The following ACSL5 variants were observed in gnomAD, a reference collection of about 807,000 sequenced individuals.
The protein encoded by ACSL5 is long-chain-fatty-acid--CoA ligase 5.
ACSL5 carries 50 observed loss-of-function variants against 84.9 expected under a neutral mutation model. The ratio of observed to expected loss-of-function variants is 0.59; its 90% CI spans 0.47 to 0.75. The LOEUF (loss-of-function observed/expected upper bound fraction) is 0.75, where lower values mean the gene tolerates loss of function less well. ACSL5 is among the 30% of genes least tolerant of loss of function. The pLI, the probability that ACSL5 is intolerant of heterozygous loss-of-function variation, is 0.00. For synonymous variants in ACSL5, 280 were observed against 300.7 expected (o/e 0.93, Z 0.71); for missense variants, 775 against 830.4 (o/e 0.93, Z 0.82).
At chr10:112,390,383 G>A (rs1849533714) in intron 1 of ACSL5, among the ~76,000 whole-genome samples, 1 of 152,168 alleles carries the variant, frequency 6.6e-6, no homozygotes, top group African/African-American at 2.4e-5. Context: ...AGAGAAAGTA[G>A]CAGTGTTAGG....
intron 1 of ACSL5, among the ~76,000 whole-genome samples, chr10:112,378,512 G>A (rs1346499004): frequency 6.6e-6 from 1 of 152,058 alleles, no homozygotes; most frequent in Admixed American, 6.5e-5. Context: ...CTCCCAAAGT[G>A]CTGGGATTAC....
rs1212094840 is a variant in ACSL5, at chr10:112,427,487, C to T, written c.*129C>T. 2.2e-5 allele frequency: 19 copies of T among 857,666 alleles called. No homozygotes were observed. Among genetic ancestry groups the T allele is most frequent in the Non-Finnish European group, 3.1e-5 (18 of 589,976 alleles). The allele number at this position is 857,666 out of a possible 1,614,324, so 53.1% of individuals were successfully genotyped here. A position where few individuals can be genotyped will look rare whatever the true frequency, so the allele number is the denominator to read the frequency against. On this transcript the variant is annotated 3_prime_UTR_variant, in exon 21 of 21. Coordinates refer to ENST00000354655, the MANE Select transcript of ACSL5 (RefSeq NM_203379.2). Reference sequence around the variant, plus strand: ...AACCTGTTAAACTCTAAAGCCATAGCTTTTGTTTTATATTGAGACATATAA... The same window carrying T: ...AACCTGTTAAACTCTAAAGCCATAGTTTTTGTTTTATATTGAGACATATAA...
chr10:112,426,178 A>C (rs571300728), intron 18 of ACSL5, 80 bp from the exon 19 acceptor site: 14 of 1,104,884 alleles, frequency 1.3e-5, no homozygotes, highest in Middle Eastern at 2.0e-4. Context: ...CAATGACATA[A>C]TTCTGCTTTA....
intron 18 of ACSL5, among the ~76,000 whole-genome samples, chr10:112,426,017 A>C (rs1844680243): frequency 6.6e-6 from 1 of 152,154 alleles, no homozygotes; most frequent in South Asian, 2.1e-4. Flanking sequence ...GAGGCGCTTT[A>C]AGCTTAATGT....
chr10:112,408,733 A>G (rs1844109560), intron 6 of ACSL5: 4 of 507,854 alleles, frequency 7.9e-6, no homozygotes, highest in Non-Finnish European at 1.4e-5. Context: ...ACACAGAAAG[A>G]AGTTTCAATG....
At chr10:112,396,425 C>T (rs1320979541) in intron 2 of ACSL5, 1 of 152,116 alleles carries the variant, frequency 6.6e-6, no homozygotes, top group East Asian at 1.9e-4. Context: ...GAGTACAGTA[C>T]CAGACAACAT....
intron 12 of ACSL5, among the ~76,000 whole-genome samples, chr10:112,415,526 T>C (rs759800825): frequency 1.3e-5 from 2 of 152,186 alleles, no homozygotes; most frequent in Non-Finnish European, 2.9e-5. Flanking sequence ...CTTGTGAATG[T>C]TGAAGAAAGA....
chr10:112,408,356 C>T, intron 5 of ACSL5, 66 bp from the exon 6 acceptor site: 3 of 1,008,804 alleles, frequency 3.0e-6, no homozygotes, highest in Non-Finnish European at 4.6e-6. Flanking sequence ...CATTTGTTGG[C>T]TGAATGACTG....
At chr10:112,426,112 T>C in intron 18 of ACSL5, 146 bp from the exon 19 acceptor site, 3 of 603,970 alleles carry the variant, frequency 5.0e-6, no homozygotes, top group South Asian at 2.0e-5. Flanking sequence ...GTTGAAAATA[T>C]ATGGTGAGAA....
chr10:112,388,383 C>A (rs75710813), intron 1 of ACSL5, among the ~76,000 whole-genome samples: 1 of 152,148 alleles, frequency 6.6e-6, no homozygotes. Context: ...TCACCAGCCA[C>A]CATCCCTATC....
chr10:112,428,182 G>A lies in ACSL5; in HGVS notation c.*824G>A. ...TTTTCCAGTAAATGAAGCAAGCACT[G>A]AATAAAAACCTCCTGAACTGGGAAC... is the stretch of plus-strand genomic sequence containing the variant. On this transcript the variant is annotated 3_prime_UTR_variant, in exon 21 of 21. Coordinates refer to ENST00000354655, the MANE Select transcript of ACSL5 (RefSeq NM_203379.2). The A allele has an allele frequency of 2.8e-6, 1 of 351,576 alleles. No homozygotes were observed. The highest frequency in any genetic ancestry group is 5.1e-6 in the Non-Finnish European group (1 of 196,620). 21.8% of individuals were successfully genotyped at this position (351,576 alleles called of 1,614,324 possible). A position where few individuals can be genotyped will look rare whatever the true frequency, so the allele number is the denominator to read the frequency against.
chr10:112,418,114 C>A (rs1353875787), intron 14 of ACSL5, among the ~76,000 whole-genome samples, 173 bp downstream of exon 14: 1 of 152,146 alleles, frequency 6.6e-6, no homozygotes, highest in Non-Finnish European at 1.5e-5. Context: ...TGTGTAGAAA[C>A]CTTCACATAA....
chr10:112,422,237 A>G, intron 16 of ACSL5, 88 bp from the exon 17 acceptor site: 3 of 1,199,234 alleles, frequency 2.5e-6, no homozygotes, highest in Non-Finnish European at 3.6e-6. Context: ...CCATCAAATG[A>G]TTTAAGGGGA....
chr10:112,384,134 C>G (rs1008625626), intron 1 of ACSL5, among the ~76,000 whole-genome samples: 1 of 151,310 alleles, frequency 6.6e-6, no homozygotes, highest in Admixed American at 6.6e-5. Flanking sequence ...TGCAGTGAGC[C>G]GAGATCACAC....
At chr10:112,378,470 C>T (rs1429571715) in intron 1 of ACSL5, among the ~76,000 whole-genome samples, 2 of 152,056 alleles carry the variant, frequency 1.3e-5, no homozygotes, top group African/African-American at 2.4e-5. Context: ...TGGTCTCAAA[C>T]TCCTGACCTC....
chr10:112,425,218 C>A, intron 17 of ACSL5, 120 bp from the exon 18 acceptor site: 1 of 899,112 alleles, frequency 1.1e-6, no homozygotes, highest in Non-Finnish European at 1.6e-6. Context: ...TGAAAGACAG[C>A]TCAAAAGTCT....
At chr10:112,426,197 C>A (rs1844696777) in intron 18 of ACSL5, 61 bp from the exon 19 acceptor site, 4 of 1,326,888 alleles carry the variant, frequency 3.0e-6, no homozygotes, top group Non-Finnish European at 4.3e-6. Context: ...TATTTAACTA[C>A]TGGGGGACAT....
At chr10:112,400,406 CTTTTTTTTTTTTTTT>C (rs573644087) in intron 3 of ACSL5, among the ~76,000 whole-genome samples, 1 of 98,892 alleles carries the variant, frequency 1.0e-5, no homozygotes, top group African/African-American at 4.0e-5. Flanking sequence ...TTTTTCTTTT[CTTTTTTTTTTTTTTT>C]TTTTTTGAGA....
chr10:112,408,412 C>G lies in ACSL5; in HGVS notation c.433-10C>G, dbSNP rs201347320. 11 of 1,583,516 alleles carry G rather than the reference C, an allele frequency of 6.9e-6. No individual in the cohort carries two copies. In the African/African-American group the frequency reaches 8.1e-5, roughly 12 times the overall value. ...CCCTCCAGTCCTTACTTGAACTTCT[C>G]TCTGTACAGTGGATCATCTCCGAAT... On this transcript the variant is annotated splice_polypyrimidine_tract_variant and intron_variant, in intron 5 of 20. Coordinates refer to ENST00000354655, the MANE Select transcript of ACSL5 (RefSeq NM_203379.2).
Sources: allele counts gnomAD v4.1 joint callset (sites outside exome capture counted in the v4.1 genomes callset), GRCh38; gene constraint gnomAD v4.1.1; transcripts MANE v1.5; gene names NCBI Gene and HGNC (gene_info 2026-07-23, HGNC 2026-07-21).